Variants in PRKCZ observed in about 807,000 individuals in gnomAD.
The protein encoded by PRKCZ is protein kinase C zeta.
Under a neutral mutation model 79.5 loss-of-function variants are expected in PRKCZ, and 33 were observed. The observed-to-expected ratio is 0.41, with a 90% CI of 0.31 to 0.55. PRKCZ has a LOEUF of 0.55. Ranked by LOEUF, PRKCZ falls within the 20% of genes least tolerant of loss-of-function variation. The pLI, the probability that PRKCZ is intolerant of heterozygous loss-of-function variation, is 0.19. For synonymous variants in PRKCZ, 342 were observed against 320.9 expected (o/e 1.07, Z -0.70); for missense variants, 578 against 813.5 (o/e 0.71, Z 3.52).
At chr1:2,134,259 C>T (rs1402242099) in intron 4 of PRKCZ, among the ~76,000 whole-genome samples, 1 of 152,196 alleles carries the variant, frequency 6.6e-6, no homozygotes, top group Non-Finnish European at 1.5e-5. Flanking sequence ...TTTTACCATC[C>T]GTGTGGCCTG....
intron 4 of PRKCZ, among the ~76,000 whole-genome samples, chr1:2,088,623 A>G (rs1380766966): frequency 6.6e-6 from 1 of 152,174 alleles, no homozygotes; most frequent in Non-Finnish European, 1.5e-5. Context: ...CGTAGACACC[A>G]TCATCCTGTG....
rs1034713389 is a variant in PRKCZ at position 2,090,041 on chromosome 1, C to T, written c.334+30450C>T. Among the ~76,000 whole-genome samples, 7 of 152,308 alleles carry T rather than the reference C, an allele frequency of 4.6e-5. No homozygotes were observed. In the South Asian group the frequency reaches 6.2e-4, roughly 14 times the overall value. On this transcript the variant is annotated intron_variant, in intron 4 of 17. Transcript: ENST00000378567. ...CTGGTGGAGCCGTCTCTTCTTCACC[C>T]GGGCCCTTCCTCCCCGTGCGGCCGT...
In PRKCZ at chr1:2,184,615, G is replaced by A. The variant is rs772703489; in HGVS notation, c.1608G>A (p.Gln536=). 1 of 1,614,040 alleles carries A rather than the reference G, an allele frequency of 6.2e-7. No homozygotes were observed. The highest frequency in any genetic ancestry group is 1.1e-5 in the South Asian group (1 of 91,076). ...AGAAGCAGGCGCTCCCTCCATTCCA[G>A]CCACAGATCACAGACGACTACGGTC... ...LEKKQALPPF[Q]PQITDDYGLD... Residue 536 remains glutamine, a synonymous_variant, in exon 17 of 18, where the codon CAG becomes CAA. Transcript: ENST00000378567.
chr1:2,076,281 C>A (rs1456160487), intron 4 of PRKCZ, among the ~76,000 whole-genome samples: 2 of 152,204 alleles, frequency 1.3e-5, no homozygotes, highest in Non-Finnish European at 2.9e-5. Flanking sequence ...GCCATCTCCC[C>A]ACCTCCCTCA....
At chr1:2,144,177 G>T in intron 5 of PRKCZ, 33 bp from the exon 6 acceptor site, 1 of 1,548,588 alleles carries the variant, frequency 6.5e-7, no homozygotes, top group Non-Finnish European at 8.7e-7. Context: ...CCCTCAGTGT[G>T]GCCTGGGCCT....
intron 4 of PRKCZ, among the ~76,000 whole-genome samples, chr1:2,114,209 G>C (rs1256016432): frequency 8.7e-6 from 1 of 115,244 alleles, no homozygotes; most frequent in African/African-American, 3.3e-5. Context: ...GAGGGACCCC[G>C]GATGCAGGGC....
At chr1:2,102,879 C>T (rs940837643) in intron 4 of PRKCZ, among the ~76,000 whole-genome samples, 4 of 151,840 alleles carry the variant, frequency 2.6e-5, no homozygotes, top group Admixed American at 2.0e-4. Context: ...GCCCCTCCCC[C>T]CGTCTGTCTC....
At chr1:2,179,711 A>C (rs1482221674) in intron 16 of PRKCZ, among the ~76,000 whole-genome samples, 1 of 152,226 alleles carries the variant, frequency 6.6e-6, no homozygotes, top group East Asian at 1.9e-4. Context: ...CCTCAGGGCC[A>C]GGAGTGGTTT....
chr1:2,130,249 T>C (rs1674702806), intron 4 of PRKCZ, among the ~76,000 whole-genome samples: 1 of 152,162 alleles, frequency 6.6e-6, no homozygotes, highest in Non-Finnish European at 1.5e-5. Context: ...CTGTCCGTTA[T>C]CCCTTATAAC....
intron 9 of PRKCZ, among the ~76,000 whole-genome samples, chr1:2,152,394 G>A (rs1226953279): frequency 3.3e-5 from 5 of 152,088 alleles, no homozygotes; most frequent in African/African-American, 1.2e-4. Flanking sequence ...TTAGCCAGGT[G>A]TGGTGGCGCA....
intron 4 of PRKCZ, among the ~76,000 whole-genome samples, chr1:2,108,080 C>G (rs1318172137): frequency 2.0e-5 from 3 of 152,214 alleles, no homozygotes; most frequent in Admixed American, 6.5e-5. Flanking sequence ...GATGCCTGTT[C>G]TGGGGGTAGA....
Position 2,135,418 on chromosome 1 carries a change from G to A in PRKCZ, c.420+71G>A, listed in dbSNP as rs572821481. On this transcript the variant is annotated intron_variant, in intron 5 of 17. Transcript: ENST00000378567. ...CTTTTAAAAGCAAAGAGAGAGGAGG[G>A]GAGGCACGTCCCGCTGAGCCCAGGC... The A allele has an allele frequency of 2.1e-4, 297 of 1,391,256 alleles. No individual in the cohort carries two copies. In the African/African-American group the frequency reaches 3.8e-3, roughly 18 times the overall value. 86.2% of individuals were successfully genotyped at this position (1,391,256 alleles called of 1,614,324 possible).
intron 4 of PRKCZ, among the ~76,000 whole-genome samples, chr1:2,095,220 G>A (rs1026727880): frequency 6.6e-6 from 1 of 152,184 alleles, no homozygotes; most frequent in Non-Finnish European, 1.5e-5. Flanking sequence ...TTCTAGGTCT[G>A]CGTTGGCCTG....
Position 2,174,126 on chromosome 1 carries a change from C to A in PRKCZ, c.1405+110C>A. On this transcript the variant is annotated intron_variant, in intron 14 of 17. Transcript: ENST00000378567. This position sits in a 1 kb window ranked among gnomAD's most constrained non-coding sequence, Gnocchi z 6.2. ...GGGTGCCTGGAGCGGCAGTGCCATG[C>A]AAAGCGTACCGGGAACCATTCCTCC... is the stretch of plus-strand genomic sequence containing the variant. 7.4e-7 allele frequency: 1 copy of A among 1,347,996 alleles called. No homozygotes were observed. The highest frequency in any genetic ancestry group is 9.9e-7 in the Non-Finnish European group (1 of 1,013,170). 83.5% of individuals were successfully genotyped at this position (1,347,996 alleles called of 1,614,324 possible).
chr1:2,073,598 T>C (rs758615441), intron 4 of PRKCZ: 150 of 986,926 alleles, frequency 1.5e-4, no homozygotes, highest in Non-Finnish European at 1.0e-4. Flanking sequence ...GATGCAGAGA[T>C]GCTTGTTTTC....
At chr1:2,074,280 G>A in intron 4 of PRKCZ, 2 of 1,549,652 alleles carry the variant, frequency 1.3e-6, no homozygotes, top group South Asian at 2.4e-5. Flanking sequence ...CGGATGGTGT[G>A]TGGCCCAGGC....
chr1:2,055,757 C>A, intron 2 of PRKCZ, 195 bp downstream of exon 2: 3 of 756,916 alleles, frequency 4.0e-6, no homozygotes, highest in South Asian at 2.1e-5. Flanking sequence ...AGGACCTGGG[C>A]CCAGATGCCC....
intron 4 of PRKCZ, among the ~76,000 whole-genome samples, chr1:2,102,523 G>C (rs572845659): frequency 1.3e-5 from 2 of 151,710 alleles, no homozygotes; most frequent in Non-Finnish European, 2.9e-5. Context: ...TAGTAGAGAT[G>C]GGGTTTCACT....
intron 4 of PRKCZ, among the ~76,000 whole-genome samples, chr1:2,099,538 G>A (rs867308): frequency 0.31 from 47,348 of 151,890 alleles, 8,863 homozygotes; most frequent in East Asian, 0.62. Flanking sequence ...GCCGTGGGGA[G>A]GAGTGACTTC....
Sources: allele counts gnomAD v4.1 joint callset (sites outside exome capture counted in the v4.1 genomes callset), GRCh38; gene constraint gnomAD v4.1.1; non-coding constraint Gnocchi (gnomAD v3.1); transcripts MANE v1.5; gene names NCBI Gene and HGNC (gene_info 2026-07-23, HGNC 2026-07-21).